The following C6orf52 variants were observed in gnomAD, a reference collection of about 807,000 sequenced individuals.
C6orf52 encodes the protein chromosome 6 open reading frame 52, also known as putative uncharacterized protein C6orf52.
A neutral mutation model predicts 16.6 loss-of-function variants in C6orf52; 16 were observed. The ratio of observed to expected loss-of-function variants is 0.96; its 90% CI spans 0.65 to 1.46. The LOEUF (loss-of-function observed/expected upper bound fraction) is 1.46, where lower values mean the gene tolerates loss of function less well. C6orf52 is among the 40% of genes most tolerant of loss of function. The pLI is 0.00. For synonymous variants in C6orf52, 53 were observed against 61.4 expected (o/e 0.86, Z 0.64); for missense variants, 166 against 182.3 (o/e 0.91, Z 0.52).
chr6:10,677,781 A>T (rs1192455992), intron 4 of C6orf52, among the ~76,000 whole-genome samples: 2 of 151,476 alleles, frequency 1.3e-5, no homozygotes, highest in African/African-American at 4.9e-5. Flanking sequence ...TGATCCTCCC[A>T]CCTGAGCCTC....
chr6:10,694,600 G>GA lies in C6orf52; in HGVS notation c.-119_-118insT. 2 of 173,900 alleles carry GA rather than the reference G, an allele frequency of 1.2e-5. No homozygotes were observed. Among genetic ancestry groups the GA allele is most frequent in the South Asian group, 2.3e-4 (2 of 8,588 alleles). The allele number at this position is 173,900 out of a possible 1,614,324, so 10.8% of individuals were successfully genotyped here. A position where few individuals can be genotyped will look rare whatever the true frequency, so the allele number is the denominator to read the frequency against. On this transcript the variant is annotated 5_prime_UTR_variant, in exon 1 of 5. Transcript: ENST00000259983. ...ACGCTGCCGGCGCTACAGCCCCTAAGCAACCGGCCGGAAGTCGGCCCCACC... is the reference window on the plus strand; with the variant it reads ...ACGCTGCCGGCGCTACAGCCCCTAAGACAACCGGCCGGAAGTCGGCCCCACC...
chr6:10,691,123 C>T lies in C6orf52; in HGVS notation c.-12+3371G>A, dbSNP rs567686787. 2.0e-5 allele frequency among the ~76,000 whole-genome samples: 3 copies of T among 152,342 alleles called. No homozygotes were observed. In the East Asian group the frequency reaches 5.8e-4, roughly 29 times the overall value. ...AGTCACTTCTCCAGACATATCTCAGCATTTATAACCTAAGACTGAATCACT... is the reference window on the plus strand; with the variant it reads ...AGTCACTTCTCCAGACATATCTCAGTATTTATAACCTAAGACTGAATCACT... On this transcript the variant is annotated intron_variant, in intron 1 of 4. Coordinates refer to ENST00000259983, the MANE Select transcript of C6orf52 (RefSeq NM_001145020.3).
At chr6:10,673,399 G>C (rs1452129828) in intron 4 of C6orf52, among the ~76,000 whole-genome samples, 2 of 152,168 alleles carry the variant, frequency 1.3e-5, no homozygotes, top group East Asian at 3.8e-4. Flanking sequence ...CTAAACCTGT[G>C]AATCTTCTAG....
intron 1 of C6orf52, among the ~76,000 whole-genome samples, chr6:10,690,661 TTGAA>T (rs1339270968): frequency 9.8e-5 from 15 of 152,306 alleles, no homozygotes; most frequent in Admixed American, 5.2e-4. Context: ...CAAATATTTG[TTGAA>T]TGAATGAATA....
At chr6:10,685,600 G>C (rs769417552) in intron 3 of C6orf52, among the ~76,000 whole-genome samples, 1 of 152,174 alleles carries the variant, frequency 6.6e-6, no homozygotes, top group Admixed American at 6.5e-5. Context: ...GGGGAAGTCC[G>C]TAACATTTAG....
At chr6:10,680,619 T>C (rs1327832202) in intron 4 of C6orf52, among the ~76,000 whole-genome samples, 19 of 152,246 alleles carry the variant, frequency 1.2e-4, no homozygotes. Context: ...GGGCTGGGCA[T>C]GGTGACTCAG....
chr6:10,687,112 G>A lies in C6orf52; in HGVS notation c.124C>T (p.Arg42Cys), dbSNP rs369487510. The part of the protein sequence containing the change: ...KQEFQPSQSY[R>C]YGNWYARQHG... ...TGTCGCGCATACCAGTTGCCATAGC[G>A]GTAACTCTGGCTGGGCTGGAACTCC... The change falls in exon 3 of 5, where the codon CGC becomes TGC. Residue 42 changes from arginine to cysteine, a missense_variant. Physicochemically the swap from Arg to Cys is radical, Grantham distance 180 (BLOSUM62 -3). Transcript: ENST00000259983. The A allele has an allele frequency of 2.3e-5, 35 of 1,551,738 alleles. No individual in the cohort carries two copies. Among genetic ancestry groups the A allele is most frequent in the South Asian group, 5.9e-5 (5 of 84,050 alleles).
chr6:10,675,818 T>C (rs1767824382), intron 4 of C6orf52, among the ~76,000 whole-genome samples: 1 of 152,236 alleles, frequency 6.6e-6, no homozygotes, highest in African/African-American at 2.4e-5. Flanking sequence ...TGGTCATTTG[T>C]ACATCATCTC....
chr6:10,681,054 A>G (rs1159873098), intron 4 of C6orf52, among the ~76,000 whole-genome samples: 1 of 152,154 alleles, frequency 6.6e-6, no homozygotes, highest in Admixed American at 6.5e-5. Flanking sequence ...CTCCCCTATT[A>G]GCCTCCCGAA....
At chr6:10,692,011 T>G (rs1226943692) in intron 1 of C6orf52, among the ~76,000 whole-genome samples, 1 of 152,186 alleles carries the variant, frequency 6.6e-6, no homozygotes, top group African/African-American at 2.4e-5. Context: ...TTTATGGTGA[T>G]AAGCTAAAAT....
intron 1 of C6orf52, among the ~76,000 whole-genome samples, chr6:10,693,846 A>C (rs1031978908): frequency 6.6e-6 from 1 of 152,078 alleles, no homozygotes; most frequent in African/African-American, 2.4e-5. Context: ...CTCCCACCTC[A>C]GCCTTCCGAG....
intron 4 of C6orf52, chr6:10,672,749 G>T (rs899714879): frequency 9.8e-6 from 5 of 511,500 alleles, no homozygotes; most frequent in Non-Finnish European, 1.7e-5. Context: ...GAAGGCTGCT[G>T]TCTGCAAGCC....
At chr6:10,678,636 C>G (rs926431285) in intron 4 of C6orf52, among the ~76,000 whole-genome samples, 1 of 152,086 alleles carries the variant, frequency 6.6e-6, no homozygotes, top group Non-Finnish European at 1.5e-5. Flanking sequence ...TTTTGTTTCC[C>G]AGTGCATATA....
At chr6:10,674,405 A>G (rs533797029) in intron 4 of C6orf52, among the ~76,000 whole-genome samples, 216 of 152,330 alleles carry the variant, frequency 1.4e-3, no homozygotes, top group Non-Finnish European at 2.1e-3. Context: ...TGGCTACTAA[A>G]AAATTTAAAA....
intron 1 of C6orf52, among the ~76,000 whole-genome samples, chr6:10,690,244 A>G (rs1238207650): frequency 6.6e-6 from 1 of 152,194 alleles, no homozygotes; most frequent in Non-Finnish European, 1.5e-5. Flanking sequence ...AGGGCTCACA[A>G]GCGCTGTTTT....
intron 4 of C6orf52, among the ~76,000 whole-genome samples, chr6:10,676,247 G>A (rs1767873819): frequency 6.6e-6 from 1 of 152,156 alleles, no homozygotes; most frequent in Non-Finnish European, 1.5e-5. Flanking sequence ...GAATAATCAG[G>A]TTATTTTCTT....
At chr6:10,681,152 C>T (rs1347261338) in intron 4 of C6orf52, among the ~76,000 whole-genome samples, 1 of 152,080 alleles carries the variant, frequency 6.6e-6, no homozygotes, top group South Asian at 2.1e-4. Context: ...TTGGTCTGTT[C>T]AGGTTTTCTA....
At chr6:10,683,917 C>G (rs1374892619) in intron 3 of C6orf52, among the ~76,000 whole-genome samples, 2 of 152,168 alleles carry the variant, frequency 1.3e-5, no homozygotes, top group Non-Finnish European at 2.9e-5. Flanking sequence ...GTATGGCCAG[C>G]TATTCCAAGG....
chr6:10,688,266 T>G (rs957829183), intron 1 of C6orf52, among the ~76,000 whole-genome samples: 1 of 152,124 alleles, frequency 6.6e-6, no homozygotes, highest in Non-Finnish European at 1.5e-5. Flanking sequence ...CCTGGACTTG[T>G]TTAAAATGTA....
Sources: gnomAD v4.1 joint callset for allele counts (sites outside exome capture counted in the v4.1 genomes callset) on GRCh38, gnomAD v4.1.1 for gene constraint, MANE v1.5 for transcripts, NCBI Gene and HGNC (gene_info 2026-07-23, HGNC 2026-07-21) for gene names.